The following ANK3 variants were observed in gnomAD, a reference collection of about 807,000 sequenced individuals.
ANK3 encodes ankyrin 3.
In ANK3, 57 loss-of-function variants were observed where a neutral mutation model predicts 370.9. That is an observed-to-expected ratio of 0.15 (90% CI 0.12 to 0.19). The LOEUF is 0.19. Ranked by LOEUF, ANK3 falls within the 10% of genes least tolerant of loss-of-function variation. ANK3 has a pLI of 1.00. For missense variants in ANK3, 4,439 were observed against 5,302.1 expected (o/e 0.84, Z 5.06); for synonymous variants, 1,929 against 1,946.3 (o/e 0.99, Z 0.23).
chr10:60,280,959 G>T (rs2098153425), intron 1 of ANK3, among the ~76,000 whole-genome samples: 1 of 152,084 alleles, frequency 6.6e-6, no homozygotes, highest in African/African-American at 2.4e-5. Flanking sequence ...TAAATTATGA[G>T]CCCCTTCAGA....
In ANK3 at chr10:60,071,139, T is replaced by C; in HGVS notation, c.9742A>G (p.Arg3248Gly). The C allele has an allele frequency of 6.2e-7, 1 of 1,614,120 alleles. No individual in the cohort carries two copies. The highest frequency in any genetic ancestry group is 8.5e-7 in the Non-Finnish European group (1 of 1,179,998). The change falls in exon 37 of 44, where the codon AGA becomes GGA. Residue 3248 changes from arginine (R) to glycine (G), a missense_variant. Arg to Gly is a moderately radical substitution (Grantham distance 125). Coordinates refer to ENST00000280772, the MANE Select transcript of ANK3 (RefSeq NM_020987.5). ...KDSNQRPKNN[R>G]VAYIEFPPPP... ...GGGGGAAATTCAATATAGGCAACTC[T>C]GTTATTTTTGGGTCTTTGGTTAGAG...
intron 1 of ANK3, among the ~76,000 whole-genome samples, chr10:60,657,911 A>G (rs1225597659): frequency 1.3e-5 from 2 of 151,994 alleles, no homozygotes; most frequent in African/African-American, 4.8e-5. Context: ...CTAGGTACAT[A>G]TACATTTATA....
chr10:60,650,795 G>A (rs1158182112), intron 1 of ANK3, among the ~76,000 whole-genome samples: 1 of 152,150 alleles, frequency 6.6e-6, no homozygotes, highest in Admixed American at 6.5e-5. Context: ...AAAATATTAT[G>A]TATCTGGGCC....
intron 7 of ANK3, among the ~76,000 whole-genome samples, chr10:60,251,995 C>G (rs2097674632): frequency 1.3e-5 from 2 of 152,202 alleles, no homozygotes; most frequent in Admixed American, 1.3e-4. Context: ...ATTTCCATCA[C>G]AGTCTAGCTT....
intron 29 of ANK3, among the ~76,000 whole-genome samples, chr10:60,087,350 C>T (rs564542742): frequency 4.6e-4 from 70 of 152,316 alleles, no homozygotes; most frequent in African/African-American, 1.6e-3. Flanking sequence ...GTCTACTAAG[C>T]CTCTCTTCTA....
intron 2 of ANK3, among the ~76,000 whole-genome samples, chr10:60,585,362 G>T (rs1190290680): frequency 2.0e-5 from 3 of 152,148 alleles, no homozygotes; most frequent in Non-Finnish European, 4.4e-5. Flanking sequence ...ATGAGCTTAG[G>T]CAGAAATTAT....
At chr10:60,176,196 C>CAA (rs553748635) in intron 18 of ANK3, among the ~76,000 whole-genome samples, 1,882 of 136,420 alleles carry the variant, frequency 0.014, 47 homozygotes, top group African/African-American at 0.048. Flanking sequence ...AAAAAAAAAA[C>CAA]AAAAAAAAAC....
chr10:60,625,458 G>A (rs1694388038), intron 1 of ANK3, among the ~76,000 whole-genome samples: 1 of 152,160 alleles, frequency 6.6e-6, no homozygotes, highest in African/African-American at 2.4e-5. Flanking sequence ...AGATAATGGA[G>A]GTCAGAAGAA....
At chr10:60,686,503 T>C (rs2133396742) in intron 1 of ANK3, among the ~76,000 whole-genome samples, 1 of 152,286 alleles carries the variant, frequency 6.6e-6, no homozygotes, top group African/African-American at 2.4e-5. Context: ...AATCTGGCAA[T>C]ATCTTGTATA....
chr10:60,277,784 T>G (rs1374270406), intron 4 of ANK3, among the ~76,000 whole-genome samples: 1 of 152,212 alleles, frequency 6.6e-6, no homozygotes, highest in East Asian at 1.9e-4. Flanking sequence ...CTTGCAGTTT[T>G]GTTCTGCAAT....
chr10:60,589,590 A>G lies in ANK3; in HGVS notation c.96+25596T>C, dbSNP rs151098437. On this transcript the variant is annotated intron_variant, in intron 2 of 43. Transcript: ENST00000373827. ...TGGCTTGAAGCAGGATAAAACTGGC[A>G]ACATACAGCATGAAAGAAGAGAGCG... 5.1e-4 allele frequency among the ~76,000 whole-genome samples: 78 copies of G among 152,360 alleles called. 1 individual carries two copies. Among genetic ancestry groups the G allele is most frequent in the African/African-American group, 1.7e-3 (71 of 41,588 alleles).
intron 2 of ANK3, among the ~76,000 whole-genome samples, chr10:60,484,561 AT>A (rs140161023): frequency 0.076 from 11,564 of 152,264 alleles, 599 homozygotes; most frequent in South Asian, 0.17. Context: ...GTTAAAAAAA[AT>A]CTAGGCTGTT....
chr10:60,265,355 G>T (rs1349178322), intron 5 of ANK3, among the ~76,000 whole-genome samples: 1 of 152,080 alleles, frequency 6.6e-6, no homozygotes, highest in Non-Finnish European at 1.5e-5. Flanking sequence ...AGACATAAGT[G>T]CACACATACA....
At chr10:60,052,117 T>C (rs963736364) in intron 42 of ANK3, among the ~76,000 whole-genome samples, 3 of 152,146 alleles carry the variant, frequency 2.0e-5, no homozygotes, top group African/African-American at 7.2e-5. Context: ...TCCCAGCACT[T>C]TGGGAGGCCA....
intron 2 of ANK3, among the ~76,000 whole-genome samples, chr10:60,614,081 G>C (rs972176927): frequency 3.3e-5 from 5 of 151,846 alleles, no homozygotes; most frequent in African/African-American, 1.2e-4. Context: ...CAAAAAAAAA[G>C]ATAATTCAAG....
chr10:60,137,048 T>G (rs1031873409), intron 24 of ANK3, among the ~76,000 whole-genome samples: 1 of 152,224 alleles, frequency 6.6e-6, no homozygotes, highest in African/African-American at 2.4e-5. Context: ...GGACTTTTTC[T>G]GCAAACCCAG....
chr10:60,112,799 T>A (rs1472408714), intron 26 of ANK3, among the ~76,000 whole-genome samples: 2 of 152,192 alleles, frequency 1.3e-5, no homozygotes, highest in Non-Finnish European at 2.9e-5. Flanking sequence ...TTATTTTAAT[T>A]AGGAGCAGCA....
intron 2 of ANK3, among the ~76,000 whole-genome samples, chr10:60,605,943 G>A (rs553741185): frequency 8.5e-5 from 13 of 152,276 alleles, no homozygotes; most frequent in Non-Finnish European, 1.5e-4. Flanking sequence ...CATGTTGTAG[G>A]AGTGCCATAT....
intron 2 of ANK3, among the ~76,000 whole-genome samples, chr10:60,500,577 T>C (rs1325994142): frequency 6.6e-6 from 1 of 152,112 alleles, no homozygotes; most frequent in African/African-American, 2.4e-5. Flanking sequence ...GAAAATACAG[T>C]GAGGTTTTGA....
Sources: gnomAD v4.1 joint callset for allele counts (sites outside exome capture counted in the v4.1 genomes callset) on GRCh38, gnomAD v4.1.1 for gene constraint, MANE v1.5 for transcripts, NCBI Gene and HGNC (gene_info 2026-07-23, HGNC 2026-07-21) for gene names.